The following SPATA20 variants were observed in gnomAD, a reference collection of about 807,000 sequenced individuals.
SPATA20 encodes the protein spermatogenesis associated 20.
In SPATA20, 74 loss-of-function variants were observed where a neutral mutation model predicts 98.9. The observed-to-expected ratio is 0.75, with a 90% CI of 0.62 to 0.91. SPATA20 has a LOEUF of 0.91. Ranked by LOEUF, SPATA20 falls within the 40% of genes least tolerant of loss-of-function variation. The pLI, the probability that SPATA20 is intolerant of heterozygous loss-of-function variation, is 0.00. For missense variants in SPATA20, 1,016 were observed against 1,069.8 expected (o/e 0.95, Z 0.70); for synonymous variants, 430 against 440.5 (o/e 0.98, Z 0.30).
Position 50,551,105 on chromosome 17 carries a change from C to T in SPATA20, c.1491C>T (p.Leu497=), listed in dbSNP as rs964929941. ...ATGTGGAGGCCGTGCGGACCTTGCT[C>T]AATTCAGGGCTGGAGAAGCTCTTCC... ...GLDVEAVRTL[L]NSGLEKLFQA... The change falls in exon 12 of 17, where the codon CTC becomes CTT. Residue 497 remains leucine, a synonymous_variant. Transcript: ENST00000006658. The T allele has an allele frequency of 9.9e-6, 16 of 1,612,298 alleles. No individual in the cohort carries two copies. Among genetic ancestry groups the T allele is most frequent in the Admixed American group, 1.7e-5 (1 of 60,020 alleles).
At chr17:50,549,897 C>T (rs576655525) in intron 7 of SPATA20, 88 bp from the exon 8 acceptor site, 30 of 1,436,130 alleles carry the variant, frequency 2.1e-5, no homozygotes, top group Non-Finnish European at 2.8e-5. Context: ...AACTCCCAGC[C>T]TCTGCCTGGC....
In SPATA20 at chr17:50,551,374, C is replaced by T. The variant is rs2035013117; in HGVS notation, c.1577-137C>T. On this transcript the variant is annotated intron_variant, in intron 12 of 16. Coordinates refer to ENST00000006658, the MANE Select transcript of SPATA20 (RefSeq NM_022827.4). ...CACGCGCAAGGGCTGGGAACCCCGC[C>T]ATGTCTGGCTTTGGAGCCCAAGATC... 5 of 1,254,656 alleles carry T rather than the reference C, an allele frequency of 4.0e-6. 1 individual carries two copies. The highest frequency in any genetic ancestry group is 1.5e-5 in the African/African-American group (1 of 66,672). 77.7% of individuals were successfully genotyped at this position (1,254,656 alleles called of 1,614,324 possible).
At chr17:50,548,772 T>C (rs1195146840) in intron 4 of SPATA20, 38 bp from the exon 5 acceptor site, 18 of 1,599,440 alleles carry the variant, frequency 1.1e-5, no homozygotes, top group Non-Finnish European at 1.5e-5. Context: ...CTCTGACCCG[T>C]TGCTGGCCCC....
In SPATA20 at chr17:50,547,225, C is replaced by G; in HGVS notation, c.17C>G (p.Ala6Gly). 1.4e-6 allele frequency: 2 copies of G among 1,416,734 alleles called. No homozygotes were observed. The highest frequency in any genetic ancestry group is 1.8e-6 in the Non-Finnish European group (2 of 1,095,238). 87.8% of individuals were successfully genotyped at this position (1,416,734 alleles called of 1,614,324 possible). Residue 6 changes from alanine (A) to glycine (G), a missense_variant, in exon 1 of 17, where the codon GCC becomes GGC. Transcript: ENST00000006658. ...CGAGCAGCCATGCTGGGCGCGCGGG[C>G]CTGGTTGGGCCGCGTCCTTCTGCTG... is the stretch of plus-strand genomic sequence containing the variant. MLGAR[A>G]WLGRVLLLPR...
chr17:50,548,320 G>C lies in SPATA20; in HGVS notation c.163G>C (p.Val55Leu), dbSNP rs866309177. Residue 55 changes from valine (V) to leucine (L), a missense_variant, in exon 3 of 17, where the codon GTC becomes CTC. Transcript: ENST00000006658. ...CCGGGACAAGGACCGAAGTGCGACG[G>C]TCAGTAGTTCAGTGCCCATGCCTGC... ...SSRDKDRSAT[V>L]SSSVPMPAGG... 1 of 1,613,834 alleles carries C rather than the reference G, an allele frequency of 6.2e-7. No homozygotes were observed. The highest frequency in any genetic ancestry group is 1.7e-4 in the Middle Eastern group (1 of 6,060).
chr17:50,554,912 T>A (rs1410022413), intron 15 of SPATA20, among the ~76,000 whole-genome samples: 1 of 91,126 alleles, frequency 1.1e-5, no homozygotes, highest in Non-Finnish European at 2.0e-5. Context: ...TGTGTGTGTG[T>A]GTGTGTGTGT....
At position 50,549,311 on chromosome 17, in the gene SPATA20, T is replaced by C. The variant is rs1185222219; in HGVS notation, c.686T>C (p.Leu229Pro). The change falls in exon 7 of 17, where the codon CTA becomes CCA. Residue 229 changes from leucine to proline, a missense_variant. Transcript: ENST00000006658. ...EQWKQNKNTL[L>P]ENSQRVTTAL... ...TGGAAACAGAACAAGAACACCCTGC[T>C]AGAAAATAGCCAGCGTGTCACCACT... 3 of 1,612,376 alleles carry C rather than the reference T, an allele frequency of 1.9e-6. No individual in the cohort carries two copies. The highest frequency in any genetic ancestry group is 2.5e-6 in the Non-Finnish European group (3 of 1,179,786).
chr17:50,551,301 C>A, intron 12 of SPATA20, 111 bp downstream of exon 12: 1 of 1,236,664 alleles, frequency 8.1e-7, no homozygotes, highest in Non-Finnish European at 1.1e-6. Flanking sequence ...CGTTATTATT[C>A]TCAGTTGACA....
At chr17:50,553,120 T>G (rs182007222) in intron 14 of SPATA20, among the ~76,000 whole-genome samples, 1 of 152,354 alleles carries the variant, frequency 6.6e-6, no homozygotes, top group African/African-American at 2.4e-5. Context: ...GGACGCTCTA[T>G]GTGTGCCTGC....
intron 7 of SPATA20, 103 bp from the exon 8 acceptor site, chr17:50,549,882 G>C: frequency 7.6e-7 from 1 of 1,313,844 alleles, no homozygotes; most frequent in Non-Finnish European, 1.0e-6. Context: ...ACTGCCTGTT[G>C]AGTGAACTCC....
rs763193209 is a variant in SPATA20, at chr17:50,552,016, G to C, written c.1793G>C (p.Arg598Pro). 5 of 1,612,848 alleles carry C rather than the reference G, an allele frequency of 3.1e-6. No homozygotes were observed. Among genetic ancestry groups the C allele is most frequent in the Non-Finnish European group, 4.2e-6 (5 of 1,179,638 alleles). ...CTGGAGGACTACGCCTTCGTGGTGC[G>C]GGGCCTGCTGGACCTGTATGAGGCC... ...GFLEDYAFVV[R>P]GLLDLYEASQ... Residue 598 changes from arginine to proline, a missense_variant, in exon 14 of 17, where the codon CGG becomes CCG. Arg to Pro is a moderately radical substitution (Grantham distance 103, BLOSUM62 -2). Coordinates refer to ENST00000006658, the MANE Select transcript of SPATA20 (RefSeq NM_022827.4).
At position 50,550,028 on chromosome 17, in the gene SPATA20, G is replaced by T; in HGVS notation, c.906G>T (p.Leu302=). Residue 302 remains leucine, a synonymous_variant, in exon 8 of 17, where the codon CTG becomes CTT. Coordinates refer to ENST00000006658, the MANE Select transcript of SPATA20 (RefSeq NM_022827.4). ...TCTCCTACTGGCTCAGCCATCGACT[G>T]ACTCAGGATGGCTCTCGGGCCCAGC... ...FLFSYWLSHR[L]TQDGSRAQQM... 2 of 1,585,186 alleles carry T rather than the reference G, an allele frequency of 1.3e-6. No individual in the cohort carries two copies. Among genetic ancestry groups the T allele is most frequent in the South Asian group, 2.3e-5 (2 of 88,408 alleles).
rs201612133 is a variant in SPATA20, at chr17:50,548,306, A to G, written c.149A>G (p.Asp50Gly). ...PSRGSSSRDKDRSATVSSSVP... is the reference protein window; with the variant it reads ...PSRGSSSRDKGRSATVSSSVP... Reference sequence around the variant, plus strand: ...AGGGGTAGCTCCTCCCGGGACAAGGACCGAAGTGCGACGGTCAGTAGTTCA... The same window carrying G: ...AGGGGTAGCTCCTCCCGGGACAAGGGCCGAAGTGCGACGGTCAGTAGTTCA... Residue 50 changes from aspartate (D) to glycine (G), a missense_variant, in exon 3 of 17, where the codon GAC becomes GGC. Coordinates refer to ENST00000006658, the MANE Select transcript of SPATA20 (RefSeq NM_022827.4). 9.2e-5 allele frequency: 148 copies of G among 1,613,610 alleles called. 1 individual carries two copies. In the African/African-American group the frequency reaches 1.7e-3, roughly 18 times the overall value.
chr17:50,548,437 T>A lies in SPATA20; in HGVS notation c.280T>A (p.Tyr94Asn). ...GTCACCATACCTCCTACAACATGCC[T>A]ACAATCCTGTGGACTGGTGAGCACC... ...EKSPYLLQHA[Y>N]NPVDWYPWGQ... The change falls in exon 3 of 17, where the codon TAC becomes AAC. Residue 94 changes from tyrosine to asparagine, a missense_variant. By Grantham distance (143) the Tyr-to-Asn change is moderately radical. Coordinates refer to ENST00000006658, the MANE Select transcript of SPATA20 (RefSeq NM_022827.4). 1 of 1,613,926 alleles carries A rather than the reference T, an allele frequency of 6.2e-7. No individual in the cohort carries two copies. Among genetic ancestry groups the A allele is most frequent in the Non-Finnish European group, 8.5e-7 (1 of 1,179,922 alleles).
At position 50,547,475 on chromosome 17, in the gene SPATA20, C is replaced by T. The variant is rs190465610; in HGVS notation, c.77+190C>T. ...GTAAGGCCCTCCTCCCCTCCTCTCC[C>T]GTCCTCATCCCTTCCCTCCTCTCCC... On this transcript the variant is annotated intron_variant, in intron 1 of 16. Transcript: ENST00000006658. 774 of 631,360 alleles carry T rather than the reference C, an allele frequency of 1.2e-3. 5 individuals are homozygous for T. In the African/African-American group the frequency reaches 0.013, roughly 10 times the overall value. The allele number at this position is 631,360 out of a possible 1,614,324, so 39.1% of individuals were successfully genotyped here.
chr17:50,548,172 C>A (rs757197986), intron 2 of SPATA20, 111 bp from the exon 3 acceptor site: 1 of 1,497,312 alleles, frequency 6.7e-7, no homozygotes, highest in South Asian at 1.3e-5. Flanking sequence ...GTGGGTTGGG[C>A]TGGGAGCAGG....
rs748398756 is a variant in SPATA20, at chr17:50,549,258, C to A, written c.661-28C>A. 3 of 1,604,414 alleles carry A rather than the reference C, an allele frequency of 1.9e-6. No homozygotes were observed. The East Asian group carries it at 6.7e-5, about 36-fold the overall frequency. ...AACAAGAGCCCCTCCCCCTAGCTGA[C>A]CTCCAGGTGTGCCCCCACCTCCCGC... On this transcript the variant is annotated intron_variant, in intron 6 of 16. Coordinates refer to ENST00000006658, the MANE Select transcript of SPATA20 (RefSeq NM_022827.4).
rs1379443659 is a variant in SPATA20, at chr17:50,551,078, G to C, written c.1464G>C (p.Leu488Phe). The C allele has an allele frequency of 6.2e-7, 1 of 1,613,118 alleles. No homozygotes were observed. The highest frequency in any genetic ancestry group is 1.7e-5 in the Admixed American group (1 of 60,000). ...SLELTAARFG[L>F]DVEAVRTLLN... ...AGCTGACTGCTGCCCGCTTTGGCTT[G>C]GATGTGGAGGCCGTGCGGACCTTGC... The change falls in exon 12 of 17, where the codon TTG becomes TTC. Residue 488 changes from leucine (L) to phenylalanine (F), a missense_variant. Leu to Phe is a conservative substitution (Grantham distance 22, BLOSUM62 0). Coordinates refer to ENST00000006658, the MANE Select transcript of SPATA20 (RefSeq NM_022827.4).
intron 14 of SPATA20, among the ~76,000 whole-genome samples, chr17:50,552,459 C>T (rs1224775797): frequency 1.3e-5 from 2 of 150,618 alleles, no homozygotes; most frequent in African/African-American, 2.5e-5. Context: ...AACCACTACA[C>T]TCAGCGTGTT....
Sources: gnomAD v4.1 joint callset for allele counts (sites outside exome capture counted in the v4.1 genomes callset) on GRCh38, gnomAD v4.1.1 for gene constraint, MANE v1.5 for transcripts, NCBI Gene and HGNC (gene_info 2026-07-23, HGNC 2026-07-21) for gene names.